PTPRD: variants seen among roughly 807,000 people sequenced by gnomAD.
PTPRD encodes receptor-type tyrosine-protein phosphatase delta.
In PTPRD, 34 loss-of-function variants were observed where a neutral mutation model predicts 214.5. That is an observed-to-expected ratio of 0.16 (90% CI 0.12 to 0.21). PTPRD has a LOEUF of 0.21. PTPRD is among the 10% of genes least tolerant of loss of function. PTPRD has a pLI of 1.00. For missense variants in PTPRD, 2,545 were observed against 2,398.7 expected (o/e 1.06, Z -1.27); for synonymous variants, 1,128 against 845.7 (o/e 1.33, Z -5.79).
intron 39 of PTPRD, among the ~76,000 whole-genome samples, chr9:8,355,878 G>A (rs7048112): frequency 0.017 from 2,642 of 152,126 alleles, 84 homozygotes; most frequent in African/African-American, 0.059. Context: ...GCCACACTTT[G>A]GGTAATGAGG....
chr9:8,388,036 T>C (rs1436714406), intron 37 of PTPRD, among the ~76,000 whole-genome samples: 1 of 152,216 alleles, frequency 6.6e-6, no homozygotes, highest in Admixed American at 6.5e-5. Flanking sequence ...TATTTCAACA[T>C]CTCTATACAA....
chr9:9,055,948 T>C (rs986200177), intron 10 of PTPRD, among the ~76,000 whole-genome samples: 3 of 152,104 alleles, frequency 2.0e-5, no homozygotes, highest in Non-Finnish European at 4.4e-5. Flanking sequence ...ATTCTGCACA[T>C]GGTTTATTCT....
chr9:8,657,794 G>GT (rs891740961), intron 12 of PTPRD, among the ~76,000 whole-genome samples: 2 of 151,752 alleles, frequency 1.3e-5, no homozygotes, highest in East Asian at 1.9e-4. Context: ...TGGCACATGG[G>GT]TTTTTTTTAA....
intron 9 of PTPRD, among the ~76,000 whole-genome samples, chr9:9,324,412 G>C (rs1595793645): frequency 6.6e-6 from 1 of 152,098 alleles, no homozygotes; most frequent in Non-Finnish European, 1.5e-5. Flanking sequence ...TCTCAGTGTG[G>C]TTTTGATGTG....
chr9:10,483,900 T>C (rs1049734643), intron 2 of PTPRD, among the ~76,000 whole-genome samples: 3 of 152,142 alleles, frequency 2.0e-5, no homozygotes, highest in South Asian at 2.1e-4. Flanking sequence ...AGATCCACCA[T>C]TCAACTGAGC....
chr9:9,358,829 C>T (rs9408766), intron 9 of PTPRD, among the ~76,000 whole-genome samples: 94,992 of 150,986 alleles, frequency 0.63, 30,899 homozygotes, highest in African/African-American at 0.8. Flanking sequence ...GTTTCTTAAT[C>T]GCATTCTTGT....
At chr9:10,421,889 T>C (rs1221584684) in intron 2 of PTPRD, among the ~76,000 whole-genome samples, 1 of 151,912 alleles carries the variant, frequency 6.6e-6, no homozygotes, top group East Asian at 1.9e-4. Context: ...TTATTATTCA[T>C]CCAGAAAACT....
intron 8 of PTPRD, among the ~76,000 whole-genome samples, chr9:9,431,604 C>A (rs1039768558): frequency 6.6e-6 from 1 of 151,972 alleles, no homozygotes; most frequent in African/African-American, 2.4e-5. Context: ...CACATGCACA[C>A]GTAAGTTTAT....
intron 32 of PTPRD, among the ~76,000 whole-genome samples, chr9:8,464,715 C>T (rs201231350): frequency 7.4e-5 from 11 of 148,088 alleles, no homozygotes; most frequent in South Asian, 2.1e-4. Flanking sequence ...TATCTCTCCC[C>T]TTTTTTTTTT....
At position 10,093,633 on chromosome 9, in the gene PTPRD, A is replaced by G. The variant is rs187730903; in HGVS notation, c.-544-59843T>C. On this transcript the variant is annotated intron_variant, in intron 3 of 45. Coordinates refer to ENST00000381196, the MANE Select transcript of PTPRD (RefSeq NM_002839.4). ...AAATACATTGTTCTATCAAAAAGAC[A>G]TATGTATTCATAAGTTCATTACAAC... 6.6e-5 allele frequency among the ~76,000 whole-genome samples: 10 copies of G among 151,704 alleles called. No homozygotes were observed. In the East Asian group the frequency reaches 1.6e-3, roughly 24 times the overall value.
chr9:8,845,131 T>A (rs927082182), intron 11 of PTPRD, among the ~76,000 whole-genome samples: 16 of 147,890 alleles, frequency 1.1e-4, no homozygotes, highest in African/African-American at 4.1e-4. Context: ...CACAAGTGAG[T>A]GAGTGAATAA....
At chr9:8,599,176 C>T (rs1396653388) in intron 14 of PTPRD, among the ~76,000 whole-genome samples, 1 of 152,122 alleles carries the variant, frequency 6.6e-6, no homozygotes, top group East Asian at 1.9e-4. Context: ...CCATGTAAAA[C>T]ATGACTTTAC....
rs140987554 is a variant in PTPRD at position 8,918,275 on chromosome 9, G to C, written c.-104+100422C>G. 4.5e-4 allele frequency among the ~76,000 whole-genome samples: 69 copies of C among 152,280 alleles called. 1 individual carries two copies. In the East Asian group the frequency reaches 0.013, roughly 28 times the overall value. ...TGAAATCAAACTCTTAAAATAGAGA[G>C]AAAGCAGATCCTCTCTTGGCCTAGA... On this transcript the variant is annotated intron_variant, in intron 11 of 45. Coordinates refer to ENST00000381196, the MANE Select transcript of PTPRD (RefSeq NM_002839.4).
chr9:10,408,533 G>A (rs2098400581), intron 2 of PTPRD, among the ~76,000 whole-genome samples: 2 of 151,628 alleles, frequency 1.3e-5, no homozygotes, highest in Admixed American at 1.3e-4. Flanking sequence ...GTATTTTTTA[G>A]GCTGATTTGT....
intron 8 of PTPRD, among the ~76,000 whole-genome samples, chr9:9,493,869 C>G (rs1023827253): frequency 3.3e-5 from 5 of 150,714 alleles, no homozygotes; most frequent in African/African-American, 1.2e-4. Flanking sequence ...ATAGTAATTT[C>G]TCTGATTGAC....
intron 11 of PTPRD, among the ~76,000 whole-genome samples, chr9:8,787,591 CT>C: frequency 6.6e-6 from 1 of 152,078 alleles, no homozygotes; most frequent in Non-Finnish European, 1.5e-5. Flanking sequence ...CTCAATCCCC[CT>C]GGAAAGATAT....
intron 5 of PTPRD, among the ~76,000 whole-genome samples, chr9:9,891,142 T>C (rs566194956): frequency 6.6e-6 from 1 of 152,186 alleles, no homozygotes; most frequent in Admixed American, 6.6e-5. Context: ...GTAGACGGGA[T>C]TGTAGTCAGC....
rs12353179 is a variant in PTPRD at position 10,500,900 on chromosome 9, T to C, written c.-600+111498A>G. The stretch of plus-strand genomic sequence containing the variant: ...GAATATCATTTTGAATAGTGTTCCC[T>C]TTTGTATATATACCACGTTTTCTTT... On this transcript the variant is annotated intron_variant, in intron 2 of 45. Coordinates refer to ENST00000381196, the MANE Select transcript of PTPRD (RefSeq NM_002839.4). Among the ~76,000 whole-genome samples, 1,165 of 151,984 alleles carry C rather than the reference T, an allele frequency of 7.7e-3. 13 individuals carry two copies. The highest frequency in any genetic ancestry group is 0.027 in the African/African-American group (1,118 of 41,428).
At chr9:9,961,128 G>GT (rs2094334762) in intron 4 of PTPRD, among the ~76,000 whole-genome samples, 3 of 152,034 alleles carry the variant, frequency 2.0e-5, no homozygotes. Context: ...ATGAATTACT[G>GT]ATATCACTTG....
Sources: gnomAD v4.1 joint callset for allele counts (sites outside exome capture counted in the v4.1 genomes callset) on GRCh38, gnomAD v4.1.1 for gene constraint, MANE v1.5 for transcripts, NCBI Gene and HGNC (gene_info 2026-07-23, HGNC 2026-07-21) for gene names.